Variants in PDE1C observed in about 807,000 individuals in gnomAD.
PDE1C encodes the protein phosphodiesterase 1C, also known as dual specificity calcium/calmodulin-dependent 3',5'-cyclic nucleotide phosphodiesterase 1C.
PDE1C carries 62 observed loss-of-function variants against 93.1 expected under a neutral mutation model. That is an observed-to-expected ratio of 0.67 (90% CI 0.54 to 0.82). PDE1C has a LOEUF of 0.82. Among genes scored for constraint, PDE1C ranks in the 40% least tolerant of loss-of-function variants. The pLI is 0.00. For synonymous variants in PDE1C, 325 were observed against 310.1 expected (o/e 1.05, Z -0.50); for missense variants, 742 against 884.6 (o/e 0.84, Z 2.04).
intron 2 of PDE1C, among the ~76,000 whole-genome samples, chr7:31,909,327 A>C: frequency 6.6e-6 from 1 of 152,192 alleles, no homozygotes; most frequent in East Asian, 1.9e-4. Context: ...GTGGATTTTT[A>C]ATAAAGACCC....
chr7:31,747,582 GT>G (rs1463314069), downstream of PDE1C, among the ~76,000 whole-genome samples: 5 of 152,130 alleles, frequency 3.3e-5, no homozygotes. Context: ...TAGAGAAAGA[GT>G]TTAACTGACA....
chr7:32,313,497 C>T (rs1783100003), intron 1 of PDE1C, among the ~76,000 whole-genome samples: 1 of 151,906 alleles, frequency 6.6e-6, no homozygotes, highest in Non-Finnish European at 1.5e-5. Flanking sequence ...AGACTTGGAA[C>T]CAACCCAAAT....
chr7:32,354,002 A>G (rs893490245), intron 1 of PDE1C, among the ~76,000 whole-genome samples: 3 of 152,158 alleles, frequency 2.0e-5, no homozygotes, highest in Non-Finnish European at 4.4e-5. Flanking sequence ...GGAGCAACAG[A>G]CAACAACAGG....
At chr7:32,204,103 G>A (rs554813984) in intron 2 of PDE1C, among the ~76,000 whole-genome samples, 1 of 152,242 alleles carries the variant, frequency 6.6e-6, no homozygotes, top group East Asian at 1.9e-4. Flanking sequence ...CACAAGCACT[G>A]CAATCTGATA....
At chr7:31,663,968 A>T in the PDE1C span, among the ~76,000 whole-genome samples, 1 of 152,146 alleles carries the variant, frequency 6.6e-6, no homozygotes, top group African/African-American at 2.4e-5. Flanking sequence ...TTTTCTTATC[A>T]AACTTTTTAG....
At chr7:31,876,414 A>C (rs779973599) in intron 5 of PDE1C, among the ~76,000 whole-genome samples, 1 of 152,178 alleles carries the variant, frequency 6.6e-6, no homozygotes, top group Non-Finnish European at 1.5e-5. Context: ...CATGCACATC[A>C]CAGTTTGTTC....
chr7:32,271,742 A>T (rs1326008787), intron 1 of PDE1C, among the ~76,000 whole-genome samples: 1 of 152,196 alleles, frequency 6.6e-6, no homozygotes, highest in East Asian at 1.9e-4. Context: ...TGATAATAAT[A>T]ATAACACATG....
intron 2 of PDE1C, among the ~76,000 whole-genome samples, chr7:31,974,419 T>G (rs2129052281): frequency 6.6e-6 from 1 of 152,328 alleles, no homozygotes; most frequent in East Asian, 1.9e-4. Flanking sequence ...AATATTATCT[T>G]TTTGTTCTAA....
chr7:32,027,752 A>G (rs1345969827), intron 2 of PDE1C, among the ~76,000 whole-genome samples: 3 of 151,372 alleles, frequency 2.0e-5, no homozygotes, highest in Non-Finnish European at 4.4e-5. Context: ...AAAAAAAAAA[A>G]CTTTTAAAAA....
chr7:31,738,205 T>A, the PDE1C span, among the ~76,000 whole-genome samples: 2 of 152,060 alleles, frequency 1.3e-5, no homozygotes, highest in Non-Finnish European at 2.9e-5. Flanking sequence ...ATGAGCCCAA[T>A]CTCAATGGAA....
At chr7:32,023,679 T>C (rs968611380) in intron 2 of PDE1C, among the ~76,000 whole-genome samples, 1 of 151,692 alleles carries the variant, frequency 6.6e-6, no homozygotes, top group African/African-American at 2.4e-5. Context: ...ACATGCCATA[T>C]GATTCCATTT....
intron 1 of PDE1C, among the ~76,000 whole-genome samples, chr7:32,342,569 G>C (rs1783778991): frequency 6.6e-6 from 1 of 152,112 alleles, no homozygotes; most frequent in Admixed American, 6.5e-5. Flanking sequence ...GCTTTTAAAA[G>C]ATAATCAGGC....
At chr7:31,901,767 G>A (rs1800008660) in intron 2 of PDE1C, among the ~76,000 whole-genome samples, 3 of 151,390 alleles carry the variant, frequency 2.0e-5, no homozygotes. Flanking sequence ...TCAATATTGA[G>A]AAAACAATCT....
chr7:31,934,617 G>A lies in PDE1C; in HGVS notation c.129-53757C>T, dbSNP rs555430096. On this transcript the variant is annotated intron_variant, in intron 2 of 17. Transcript: ENST00000396191. ...GAGTTGATACTGGTCTGATTTATAC[G>A]GCAAAACTGTCTGACTCTTGCCTCA... Among the ~76,000 whole-genome samples the A allele has an allele frequency of 2.2e-3, 326 of 151,190 alleles. 2 individuals are homozygous for A. The highest frequency in any genetic ancestry group is 7.6e-3 in the African/African-American group (312 of 41,232).
At chr7:31,620,696 A>G in the PDE1C span, among the ~76,000 whole-genome samples, 1 of 152,036 alleles carries the variant, frequency 6.6e-6, no homozygotes, top group South Asian at 2.1e-4. Context: ...TCTAAAAAGC[A>G]GAGCACCTCT....
chr7:31,982,549 C>CTT (rs201433915), intron 2 of PDE1C, among the ~76,000 whole-genome samples: 1 of 150,630 alleles, frequency 6.6e-6, no homozygotes, highest in Non-Finnish European at 1.5e-5. Context: ...TTAATTTCCT[C>CTT]TTTTTTTTTA....
At chr7:31,870,648 C>G (rs1326228751) in intron 6 of PDE1C, among the ~76,000 whole-genome samples, 1 of 151,908 alleles carries the variant, frequency 6.6e-6, no homozygotes, top group African/African-American at 2.4e-5. Context: ...GACCAGATGG[C>G]TTCACTATCA....
chr7:31,636,000 C>G, the PDE1C span, among the ~76,000 whole-genome samples: 1 of 152,112 alleles, frequency 6.6e-6, no homozygotes, highest in Non-Finnish European at 1.5e-5. Context: ...GGGGAGGCCT[C>G]AGGAAACTTA....
chr7:31,685,907 T>C, the PDE1C span, among the ~76,000 whole-genome samples: 7 of 152,290 alleles, frequency 4.6e-5, no homozygotes, highest in Admixed American at 1.3e-4. Flanking sequence ...GTCCATTCTC[T>C]GCTTATCTGT....
Sources: allele counts gnomAD v4.1 joint callset (sites outside exome capture counted in the v4.1 genomes callset), GRCh38; gene constraint gnomAD v4.1.1; transcripts MANE v1.5; gene names NCBI Gene and HGNC (gene_info 2026-07-23, HGNC 2026-07-21).